Variants in UBE4B observed in about 807,000 individuals in gnomAD.
UBE4B encodes the protein ubiquitin conjugation factor E4 B.
In UBE4B, 27 loss-of-function variants were observed where a neutral mutation model predicts 148.1. The ratio of observed to expected loss-of-function variants is 0.18; its 90% CI spans 0.13 to 0.25. UBE4B has a LOEUF of 0.25. Ranked by LOEUF, UBE4B falls within the 10% of genes least tolerant of loss-of-function variation. The probability of loss-of-function intolerance (pLI) is 1.00; values close to 1 mark genes in which losing one functional copy is unlikely to be tolerated. For missense variants in UBE4B, 1,170 were observed against 1,662.4 expected (o/e 0.70, Z 5.15); for synonymous variants, 596 against 619.3 (o/e 0.96, Z 0.56).
In UBE4B at chr1:10,149,740, T is replaced by G. The variant is rs988785688; in HGVS notation, c.2690+458T>G. ...TTTTTTTTCAAATCCTTATTTGGTT[T>G]ATCAAATTAACATTTTATTTCTAAA... On this transcript the variant is annotated intron_variant, in intron 20 of 27. Transcript: ENST00000343090. Among the ~76,000 whole-genome samples, 6 of 152,244 alleles carry G rather than the reference T, an allele frequency of 3.9e-5. No homozygotes were observed. In the South Asian group the frequency reaches 1.2e-3, roughly 31 times the overall value.
intron 1 of UBE4B, among the ~76,000 whole-genome samples, chr1:10,038,535 C>T (rs1289711979): frequency 2.6e-5 from 4 of 152,244 alleles, no homozygotes; most frequent in East Asian, 3.9e-4. Context: ...TTGTCCATAG[C>T]GACCTGGCTT....
At chr1:10,157,575 C>T (rs1335196305) in intron 21 of UBE4B, among the ~76,000 whole-genome samples, 1 of 152,112 alleles carries the variant, frequency 6.6e-6, no homozygotes, top group East Asian at 1.9e-4. Context: ...GCCAAGAGAT[C>T]GAGACAATCC....
intron 1 of UBE4B, among the ~76,000 whole-genome samples, chr1:10,040,120 T>TC (rs756601797): frequency 7.9e-5 from 12 of 151,408 alleles, no homozygotes; most frequent in Non-Finnish European, 1.2e-4. Context: ...AGCACATGTT[T>TC]CTTTTTTTTT....
chr1:10,055,101 C>T (rs1034592100), intron 1 of UBE4B, among the ~76,000 whole-genome samples: 5 of 152,018 alleles, frequency 3.3e-5, no homozygotes, highest in African/African-American at 9.7e-5. Context: ...TTACTTTGAA[C>T]AGATGTCCTT....
At chr1:10,119,486 G>A (rs778673227) in intron 8 of UBE4B, 27 bp from the exon 9 acceptor site, 52 of 1,608,170 alleles carry the variant, frequency 3.2e-5, no homozygotes, top group Middle Eastern at 1.7e-4. Flanking sequence ...GTTTCTTGTC[G>A]TCCTCACTTC....
At chr1:10,100,250 A>G (rs984914330) in intron 3 of UBE4B, among the ~76,000 whole-genome samples, 7 of 152,138 alleles carry the variant, frequency 4.6e-5, no homozygotes, top group Non-Finnish European at 1.0e-4. Flanking sequence ...CGGCCTCCCA[A>G]AGTGCTGGGA....
intron 2 of UBE4B, among the ~76,000 whole-genome samples, chr1:10,075,287 G>T (rs1256129609): frequency 1.3e-5 from 2 of 152,196 alleles, no homozygotes; most frequent in African/African-American, 4.8e-5. Flanking sequence ...GCTTGGCCCT[G>T]CTCTAGACCT....
chr1:10,123,881 C>T lies in UBE4B; in HGVS notation c.1554+1805C>T, dbSNP rs564088613. 2.0e-5 allele frequency among the ~76,000 whole-genome samples: 3 copies of T among 152,284 alleles called. No individual in the cohort carries two copies. In the South Asian group the frequency reaches 6.2e-4, roughly 32 times the overall value. On this transcript the variant is annotated intron_variant, in intron 10 of 27. Transcript: ENST00000343090. ...CTCCGCCTCCCGGGTTCAAGCGATT[C>T]TCCTGCCTTAGCCTCCCAAGTAGCT...
intron 17 of UBE4B, among the ~76,000 whole-genome samples, chr1:10,144,459 G>A (rs763724680): frequency 2.2e-4 from 33 of 152,218 alleles, no homozygotes; most frequent in African/African-American, 4.6e-4. Context: ...AATATGGCCC[G>A]ACGCAGTGGC....
intron 17 of UBE4B, among the ~76,000 whole-genome samples, chr1:10,140,908 A>G (rs1340483098): frequency 2.0e-5 from 3 of 152,220 alleles, no homozygotes; most frequent in Non-Finnish European, 4.4e-5. Context: ...ACTCAGCTTC[A>G]TTCAGTATAG....
rs572777961 is a variant in UBE4B at position 10,079,390 on chromosome 1, C to T, written c.211+7176C>T. The stretch of plus-strand genomic sequence containing the variant: ...GACCAGGCTGGTCTTGAACTTCTGA[C>T]CTCAAGTGATCCTCCTCCATTGGCC... On this transcript the variant is annotated intron_variant, in intron 2 of 27. Transcript: ENST00000343090. Among the ~76,000 whole-genome samples, 127 of 152,188 alleles carry T rather than the reference C, an allele frequency of 8.3e-4. 1 individual carries two copies. Among genetic ancestry groups the T allele is most frequent in the African/African-American group, 2.8e-3 (115 of 41,528 alleles).
At position 10,072,054 on chromosome 1, in the gene UBE4B, T is replaced by C. The variant is rs1477827559; in HGVS notation, c.51T>C (p.Leu17=). 6.2e-7 allele frequency: 1 copy of C among 1,601,994 alleles called. No homozygotes were observed. The highest frequency in any genetic ancestry group is 8.5e-7 in the Non-Finnish European group (1 of 1,175,218). Reference sequence around the variant, plus strand: ...TTCGACGGAGGCGCCTTGCACGACTTGCTGGTGGACAGACCTCTCAGCCAA... The same window carrying C: ...TTCGACGGAGGCGCCTTGCACGACTCGCTGGTGGACAGACCTCTCAGCCAA... The part of the protein sequence containing the change: ...DEIRRRRLAR[L]AGGQTSQPTT... Residue 17 remains leucine, a synonymous_variant, in exon 2 of 28, where the codon CTT becomes CTC. Transcript: ENST00000343090.
At chr1:10,114,247 G>T (rs1246952136) in intron 7 of UBE4B, among the ~76,000 whole-genome samples, 2 of 152,162 alleles carry the variant, frequency 1.3e-5, no homozygotes. Flanking sequence ...TCAATTGTGT[G>T]TAGGTACAAG....
intron 3 of UBE4B, among the ~76,000 whole-genome samples, chr1:10,096,107 A>T (rs1380662382): frequency 6.6e-6 from 1 of 152,178 alleles, no homozygotes; most frequent in Non-Finnish European, 1.5e-5. Flanking sequence ...TTATGAAATA[A>T]TGGTGTAGTC....
At chr1:10,125,750 A>G (rs551207708) in intron 10 of UBE4B, among the ~76,000 whole-genome samples, 1 of 152,316 alleles carries the variant, frequency 6.6e-6, no homozygotes, top group South Asian at 2.1e-4. Flanking sequence ...AGGCTGAGTA[A>G]ATCTTACATG....
At chr1:10,111,315 C>T (rs929735867) in intron 7 of UBE4B, among the ~76,000 whole-genome samples, 1 of 152,028 alleles carries the variant, frequency 6.6e-6, no homozygotes, top group East Asian at 1.9e-4. Flanking sequence ...GTCTACTTCC[C>T]CTAACTCATG....
chr1:10,095,732 T>G (rs566504393), intron 3 of UBE4B, 136 bp downstream of exon 3: 1 of 934,684 alleles, frequency 1.1e-6, no homozygotes, highest in South Asian at 1.7e-5. Flanking sequence ...GTGTCAAATG[T>G]ATTAAATTTA....
chr1:10,077,323 CTGTG>C (rs1159000097), intron 2 of UBE4B, among the ~76,000 whole-genome samples: 2 of 152,176 alleles, frequency 1.3e-5, no homozygotes, highest in African/African-American at 4.8e-5. Context: ...CATCTTCGTT[CTGTG>C]TGTGTCTGTG....
At chr1:10,163,852 T>C (rs1430872675) in intron 23 of UBE4B, among the ~76,000 whole-genome samples, 3 of 151,100 alleles carry the variant, frequency 2.0e-5, no homozygotes, top group African/African-American at 7.3e-5. Context: ...GCTCAATTTA[T>C]GCCTGCTGGG....
Sources: gnomAD v4.1 joint callset for allele counts (sites outside exome capture counted in the v4.1 genomes callset) on GRCh38, gnomAD v4.1.1 for gene constraint, MANE v1.5 for transcripts, NCBI Gene and HGNC (gene_info 2026-07-23, HGNC 2026-07-21) for gene names.